Variants in MYLK4 observed in about 807,000 individuals in gnomAD.
MYLK4 encodes myosin light chain kinase family member 4.
MYLK4 carries 46 observed loss-of-function variants against 48.1 expected under a neutral mutation model. The observed-to-expected ratio is 0.96, with a 90% CI of 0.75 to 1.22. The LOEUF (loss-of-function observed/expected upper bound fraction) is 1.22. Ranked by LOEUF, MYLK4 falls within the 50% of genes most tolerant of loss-of-function variation. The pLI, the probability that MYLK4 is intolerant of heterozygous loss-of-function variation, is 0.00. For synonymous variants in MYLK4, 170 were observed against 180.8 expected (o/e 0.94, Z 0.48); for missense variants, 451 against 486.1 (o/e 0.93, Z 0.68).
rs550068290 is a variant in MYLK4, at chr6:2,665,392, C to G, written c.*2533G>C. On this transcript the variant is annotated 3_prime_UTR_variant, in exon 13 of 13. Coordinates refer to ENST00000274643, the MANE Select transcript of MYLK4 (RefSeq NM_001012418.5). ...TCTGCAATGCAAACTACCCTCAGCA[C>G]TCATATAAAAGGCACCCTGCTGGCA... 3.3e-5 allele frequency: 5 copies of G among 152,366 alleles called. No homozygotes were observed. The East Asian group carries it at 9.6e-4, about 29-fold the overall frequency. The allele number at this position is 152,366 out of a possible 1,614,324, so 9.4% of individuals were successfully genotyped here. A position where few individuals can be genotyped will look rare whatever the true frequency, so the allele number is the denominator to read the frequency against.
At chr6:2,765,625 G>A in the MYLK4 span, 1 of 1,530,738 alleles carries the variant, frequency 6.5e-7, no homozygotes. Context: ...CGGCCGCCAT[G>A]GAGGTGAGCG....
intron 2 of MYLK4, among the ~76,000 whole-genome samples, chr6:2,697,504 C>T (rs371657125): frequency 5.9e-5 from 9 of 152,228 alleles, no homozygotes; most frequent in East Asian, 3.8e-4. Flanking sequence ...AGGCGTGTGC[C>T]GGCTACCTGG....
the MYLK4 span, chr6:2,766,243 C>T: frequency 1.3e-6 from 2 of 1,489,140 alleles, no homozygotes; most frequent in East Asian, 2.6e-5. Flanking sequence ...GCGGGGGCCG[C>T]CCGCACCCCC....
At chr6:2,676,047 G>A (rs1217355979) in intron 10 of MYLK4, among the ~76,000 whole-genome samples, 2 of 149,260 alleles carry the variant, frequency 1.3e-5, no homozygotes, top group Non-Finnish European at 3.0e-5. Context: ...AGCCAAGATC[G>A]TGCCATTGCA....
chr6:2,762,984 A>G, the MYLK4 span, among the ~76,000 whole-genome samples: 1 of 150,438 alleles, frequency 6.6e-6, no homozygotes, highest in African/African-American at 2.5e-5. Context: ...AAAGAACAAA[A>G]CACCCACACA....
chr6:2,762,617 T>C, the MYLK4 span, among the ~76,000 whole-genome samples: 42 of 152,380 alleles, frequency 2.8e-4, 1 homozygote, highest in Admixed American at 2.2e-3. Flanking sequence ...AGTATTCACT[T>C]CTGTGATGCT....
chr6:2,677,000 A>G (rs1007192691), intron 10 of MYLK4, among the ~76,000 whole-genome samples: 1 of 152,004 alleles, frequency 6.6e-6, no homozygotes. Context: ...CTTGGCTGTT[A>G]TTGTGCCTTT....
chr6:2,762,913 CAGTG>C, the MYLK4 span, among the ~76,000 whole-genome samples: 1 of 152,180 alleles, frequency 6.6e-6, no homozygotes, highest in Non-Finnish European at 1.5e-5. Context: ...CAAGTCTCCA[CAGTG>C]AGTATTACCA....
intron 10 of MYLK4, among the ~76,000 whole-genome samples, chr6:2,675,919 C>A (rs1033951013): frequency 6.6e-6 from 1 of 151,774 alleles, no homozygotes; most frequent in Admixed American, 6.6e-5. Flanking sequence ...AGTGAAACCC[C>A]GTCTCTACTA....
chr6:2,697,114 G>A (rs1762090902), intron 2 of MYLK4, among the ~76,000 whole-genome samples: 2 of 152,210 alleles, frequency 1.3e-5, no homozygotes, highest in African/African-American at 4.8e-5. Context: ...GGTTATCAAT[G>A]TATATAATTA....
chr6:2,743,499 T>C (rs145314155), intron 2 of MYLK4, among the ~76,000 whole-genome samples: 106 of 152,378 alleles, frequency 7.0e-4, no homozygotes, highest in African/African-American at 2.5e-3. Context: ...GAGAAGGCTA[T>C]GCTCAGAAGG....
intron 2 of MYLK4, among the ~76,000 whole-genome samples, chr6:2,736,795 G>C (rs561796806): frequency 1.3e-5 from 2 of 152,370 alleles, no homozygotes; most frequent in African/African-American, 4.8e-5. Flanking sequence ...AGGTCTGGTG[G>C]TTTGGCATTT....
the MYLK4 span, among the ~76,000 whole-genome samples, chr6:2,768,010 C>G: frequency 6.6e-6 from 1 of 152,174 alleles, no homozygotes; most frequent in African/African-American, 2.4e-5. Context: ...TCTTCTCATC[C>G]TTTAGTACTA....
rs369735779 is a variant in MYLK4 at position 2,671,336 on chromosome 6, G to T, written c.1132C>A (p.Arg378Ser). 2.5e-6 allele frequency: 4 copies of T among 1,613,842 alleles called. No homozygotes were observed. The African/African-American group carries it at 4.0e-5, about 16-fold the overall frequency. ...ACAAAGTCCTGGGCATCAGAGCCAC[G>T]ATTCTTCTTCTTCTAGGGAAAGCAG... ...SRLNAQKKKN[R>S]GSDAQDFVTK The change falls in exon 12 of 13, where the codon CGT (arginine) becomes AGT (serine). Residue 378 changes from arginine to serine, a missense_variant. Transcript: ENST00000274643.
chr6:2,697,444 A>G (rs1048404908), intron 2 of MYLK4, among the ~76,000 whole-genome samples: 2 of 152,204 alleles, frequency 1.3e-5, no homozygotes, highest in African/African-American at 2.4e-5. Context: ...TAACCATTAC[A>G]TTTACTGCCA....
the MYLK4 span, among the ~76,000 whole-genome samples, chr6:2,764,465 C>T: frequency 1.3e-5 from 2 of 152,132 alleles, no homozygotes; most frequent in Admixed American, 1.3e-4. Flanking sequence ...GGCCAAATTT[C>T]GGAAAAGTCT....
In MYLK4 at chr6:2,666,853, G is replaced by A. The variant is rs895788817; in HGVS notation, c.*1072C>T. On this transcript the variant is annotated 3_prime_UTR_variant, in exon 13 of 13. Coordinates refer to ENST00000274643, the MANE Select transcript of MYLK4 (RefSeq NM_001012418.5). ...GTTCCAACATTCTCACGTCCAGCAG[G>A]TGAGCTTGCAGAGTTGCCCCCACCT... 6.6e-6 allele frequency: 1 copy of A among 152,246 alleles called. No homozygotes were observed. The highest frequency in any genetic ancestry group is 2.4e-5 in the African/African-American group (1 of 41,452). The allele number at this position is 152,246 out of a possible 1,614,324, so 9.4% of individuals were successfully genotyped here. A position where few individuals can be genotyped will look rare whatever the true frequency, so the allele number is the denominator to read the frequency against.
chr6:2,748,272 A>G (rs1363836806), intron 2 of MYLK4, among the ~76,000 whole-genome samples: 1 of 152,228 alleles, frequency 6.6e-6, no homozygotes, highest in Admixed American at 6.5e-5. Flanking sequence ...GTTACTAGGA[A>G]AGCAACTGAG....
At chr6:2,759,242 A>G in the MYLK4 span, among the ~76,000 whole-genome samples, 1 of 152,132 alleles carries the variant, frequency 6.6e-6, no homozygotes, top group Non-Finnish European at 1.5e-5. Context: ...AGTGAGGACC[A>G]CTGGTGCACA....
Sources: gnomAD v4.1 joint callset for allele counts (sites outside exome capture counted in the v4.1 genomes callset) on GRCh38, gnomAD v4.1.1 for gene constraint, MANE v1.5 for transcripts, NCBI Gene and HGNC (gene_info 2026-07-23, HGNC 2026-07-21) for gene names.